The following ANK2 variants were observed in gnomAD, a reference collection of about 807,000 sequenced individuals.
ANK2 encodes the protein ankyrin 2.
ANK2 carries 83 observed loss-of-function variants against 360.5 expected under a neutral mutation model. The observed-to-expected ratio is 0.23, with a 90% CI of 0.19 to 0.28. The LOEUF (loss-of-function observed/expected upper bound fraction) is 0.28, where lower values mean the gene tolerates loss of function less well. Ranked by LOEUF, ANK2 falls within the 10% of genes least tolerant of loss-of-function variation. The probability of loss-of-function intolerance (pLI) is 1.00; values close to 1 mark genes in which losing one functional copy is unlikely to be tolerated. For missense variants in ANK2, 4,201 were observed against 4,795.7 expected, an observed-to-expected ratio of 0.88 and a Z score of 3.66; for synonymous variants, 1,740 against 1,759.5, an observed-to-expected ratio of 0.99 and a Z score of 0.28.
intron 1 of ANK2, among the ~76,000 whole-genome samples, chr4:112,828,687 T>G (rs2059000620): frequency 6.6e-6 from 1 of 152,122 alleles, no homozygotes; most frequent in African/African-American, 2.4e-5. Context: ...GGGACCTAAT[T>G]AAAGTAAATA....
intron 1 of ANK2, chr4:113,174,169 T>A (rs1055613793): frequency 5.2e-6 from 2 of 383,382 alleles, no homozygotes; most frequent in Non-Finnish European, 1.0e-5. Context: ...GTAACAATTA[T>A]TTCCATTTTA....
At chr4:112,800,819 T>G in the ANK2 span, among the ~76,000 whole-genome samples, 2 of 152,230 alleles carry the variant, frequency 1.3e-5, no homozygotes, top group South Asian at 4.2e-4. Flanking sequence ...TGCAGCGAGC[T>G]AATTTTTTGT....
At chr4:112,813,152 C>T (rs932287290), upstream of ANK2, among the ~76,000 whole-genome samples, 2 of 151,052 alleles carry the variant, frequency 1.3e-5, no homozygotes, top group East Asian at 2.0e-4. Flanking sequence ...GCAGGAGAAT[C>T]GCTTGAACCC....
intron 1 of ANK2, among the ~76,000 whole-genome samples, chr4:113,126,034 C>G (rs1395107): frequency 3.8e-4 from 57 of 151,888 alleles, no homozygotes; most frequent in African/African-American, 1.3e-3. Context: ...ATATAAAGCT[C>G]TATGGTTGTT....
In ANK2 at chr4:113,258,075, C is replaced by G. The variant is rs769717194; in HGVS notation, c.1214C>G (p.Ala405Gly). Residue 405 changes from alanine to glycine, a missense_variant, in exon 12 of 46, where the codon GCC (alanine) becomes GGC (glycine). Ala to Gly is a moderately conservative substitution (Grantham distance 60). Transcript: ENST00000357077. ...AATGGTTTTACTCCACTGCACATTG[C>G]CTGCAAGAAAAACCGCATCAAAGTC... ...ALNGFTPLHI[A>G]CKKNRIKVME... 6.2e-7 allele frequency: 1 copy of G among 1,614,098 alleles called. No homozygotes were observed. The highest frequency in any genetic ancestry group is 8.5e-7 in the Non-Finnish European group (1 of 1,179,968).
At position 113,353,107 on chromosome 4, in the gene ANK2, G is replaced by C; in HGVS notation, c.4489G>C (p.Val1497Leu). The change falls in exon 38 of 46, where the codon GTC becomes CTC. Residue 1497 changes from valine (V) to leucine (L), a missense_variant. Transcript: ENST00000357077. ...LKSHLVNEVPVLASPDLLSEV... is the reference protein window; with the variant it reads ...LKSHLVNEVPLLASPDLLSEV... ...AAGTCACCTGGTTAATGAAGTTCCT[G>C]TCCTAGCAAGTCCGGACTTGCTCTC... 1.2e-6 allele frequency: 2 copies of C among 1,613,976 alleles called. No homozygotes were observed. Among genetic ancestry groups the C allele is most frequent in the Non-Finnish European group, 1.7e-6 (2 of 1,179,910 alleles).
the ANK2 span, among the ~76,000 whole-genome samples, chr4:112,785,006 A>T: frequency 6.6e-6 from 1 of 152,356 alleles, no homozygotes; most frequent in South Asian, 2.1e-4. Flanking sequence ...ATAAAACAAG[A>T]GGAAAATACC....
upstream of ANK2, among the ~76,000 whole-genome samples, chr4:113,047,985 G>C (rs117954513): frequency 3.3e-5 from 5 of 151,880 alleles, no homozygotes; most frequent in East Asian, 9.7e-4. Flanking sequence ...TGTTTCTTAA[G>C]GTACACTTTC....
At chr4:113,235,625 G>A (rs1337667290) in intron 5 of ANK2, among the ~76,000 whole-genome samples, 2 of 151,738 alleles carry the variant, frequency 1.3e-5, no homozygotes, top group Non-Finnish European at 1.5e-5. Context: ...AGAGGAGATG[G>A]GTTTTCACCA....
intron 2 of ANK2, among the ~76,000 whole-genome samples, chr4:113,021,580 G>T (rs1220476480): frequency 6.9e-5 from 5 of 72,458 alleles, no homozygotes; most frequent in Admixed American, 1.4e-4. Flanking sequence ...ATATATATAT[G>T]CCAAGGAGCC....
intron 45 of ANK2, among the ~76,000 whole-genome samples, chr4:113,380,940 A>G (rs1467020916): frequency 1.3e-5 from 2 of 152,300 alleles, no homozygotes; most frequent in East Asian, 1.9e-4. Context: ...GTTTTTAAAG[A>G]CATATGCCTC....
At chr4:112,961,342 T>C (rs1416973139) in intron 2 of ANK2, among the ~76,000 whole-genome samples, 1 of 152,184 alleles carries the variant, frequency 6.6e-6, no homozygotes, top group African/African-American at 2.4e-5. Context: ...TTTTTAGTTA[T>C]GTGTAGAGTA....
intron 2 of ANK2, among the ~76,000 whole-genome samples, chr4:113,186,784 AT>A (rs1015668880): frequency 1.3e-5 from 2 of 152,176 alleles, no homozygotes; most frequent in Admixed American, 1.3e-4. Context: ...AAAAAAAGGA[AT>A]TTGTGTAGAA....
intron 15 of ANK2, among the ~76,000 whole-genome samples, chr4:113,276,965 T>C (rs548306806): frequency 2.1e-4 from 32 of 152,300 alleles, no homozygotes; most frequent in African/African-American, 7.5e-4. Context: ...TTAAACTGTC[T>C]GGCCAAGAGG....
chr4:112,766,054 G>C, the ANK2 span, among the ~76,000 whole-genome samples: 1 of 152,188 alleles, frequency 6.6e-6, no homozygotes, highest in East Asian at 1.9e-4. Context: ...ATTTGTTGCA[G>C]CTGGGCACAG....
chr4:113,018,557 A>G (rs1029391664), intron 2 of ANK2, among the ~76,000 whole-genome samples: 2 of 147,820 alleles, frequency 1.4e-5, no homozygotes, highest in Admixed American at 6.9e-5. Context: ...TTTGCCAAAT[A>G]TGGTATGTGA....
In ANK2 at chr4:113,282,837, C is replaced by G. The variant is rs749503484; in HGVS notation, c.2044C>G (p.Leu682Val). The G allele has an allele frequency of 1.9e-6, 3 of 1,614,036 alleles. No individual in the cohort carries two copies. The East Asian group carries it at 6.7e-5, about 36-fold the overall frequency. Residue 682 changes from leucine (L) to valine (V), a missense_variant, in exon 18 of 46, where the codon CTG (leucine) becomes GTG (valine). This residue lies in a region of ANK2 where 1,268 missense variants were observed against 1,650.8 expected (regional missense o/e 0.77). Transcript: ENST00000357077. ...EGHTDMVTLLLDKGANIHMST... is the reference protein window; with the variant it reads ...EGHTDMVTLLVDKGANIHMST... The stretch of plus-strand genomic sequence containing the variant: ...GCACACAGATATGGTTACCTTGCTT[C>G]TGGATAAGGGAGCCAATATCCACAT...
At position 113,365,654 on chromosome 4, in the gene ANK2, T is replaced by C. The variant is rs187150950; in HGVS notation, c.11032+472T>C. Among the ~76,000 whole-genome samples the C allele has an allele frequency of 5.3e-4, 81 of 152,100 alleles. 1 individual carries two copies. Among genetic ancestry groups the C allele is most frequent in the African/African-American group, 1.9e-3 (79 of 41,514 alleles). Reference sequence around the variant, plus strand: ...CCCCTAACCTATTCTCATTCATTTGTGGTCTCTAACACTGTTTTTTTTTTT... The same window carrying C: ...CCCCTAACCTATTCTCATTCATTTGCGGTCTCTAACACTGTTTTTTTTTTT... On this transcript the variant is annotated intron_variant, in intron 41 of 45. Transcript: ENST00000357077.
the ANK2 span, among the ~76,000 whole-genome samples, chr4:112,773,975 A>G: frequency 6.6e-6 from 1 of 151,572 alleles, no homozygotes; most frequent in Non-Finnish European, 1.5e-5. Context: ...TAATTTTTGT[A>G]TTTTTAGTAG....
Sources: allele counts gnomAD v4.1 joint callset (sites outside exome capture counted in the v4.1 genomes callset), GRCh38; gene constraint gnomAD v4.1.1; regional missense constraint gnomAD v4.1.1; transcripts MANE v1.5; gene names NCBI Gene and HGNC (gene_info 2026-07-23, HGNC 2026-07-21).